The following IZUMO3 variants were observed in gnomAD, a reference collection of about 807,000 sequenced individuals.
IZUMO3 encodes IZUMO family member 3.
IZUMO3 carries 36 observed loss-of-function variants against 28.4 expected under a neutral mutation model. The ratio of observed to expected loss-of-function variants is 1.27; its 90% CI spans 0.97 to 1.67. The LOEUF (loss-of-function observed/expected upper bound fraction) is 1.67. Ranked by LOEUF, IZUMO3 falls within the 40% of genes most tolerant of loss-of-function variation. IZUMO3 has a pLI of 0.00. For synonymous variants in IZUMO3, 126 were observed against 99.2 expected (o/e 1.27, Z -1.61); for missense variants, 387 against 278.5 (o/e 1.39, Z -2.77).
In IZUMO3 at chr9:24,543,149, A is replaced by T; in HGVS notation, c.*80T>A. ...AAAATACTATGACTTTATGACCAAG[A>T]AAGGGTTTACCTCCCAGTTTTGTAC... On this transcript the variant is annotated 3_prime_UTR_variant, in exon 7 of 7. Coordinates refer to ENST00000543880, the MANE Select transcript of IZUMO3 (RefSeq NM_001365008.2). The T allele has an allele frequency of 8.8e-7, 1 of 1,132,918 alleles. No homozygotes were observed. The highest frequency in any genetic ancestry group is 1.2e-6 in the Non-Finnish European group (1 of 838,410). 70.2% of individuals were successfully genotyped at this position (1,132,918 alleles called of 1,614,324 possible).
chr9:24,544,776 A>T lies in IZUMO3; in HGVS notation c.392-16T>A. The stretch of plus-strand genomic sequence containing the variant: ...TCAGAACAAGCTAGAAGAGAATCAG[A>T]AAGTTCTAATGAGTTTAAAACCAGC... On this transcript the variant is annotated splice_polypyrimidine_tract_variant and intron_variant, in intron 3 of 6. Coordinates refer to ENST00000543880, the MANE Select transcript of IZUMO3 (RefSeq NM_001365008.2). The T allele has an allele frequency of 6.5e-7, 1 of 1,549,848 alleles. No homozygotes were observed. The highest frequency in any genetic ancestry group is 8.7e-7 in the Non-Finnish European group (1 of 1,146,378).
chr9:24,545,682 T>A lies in IZUMO3; in HGVS notation c.-33A>T. ...TTCACCCCCGCTCCCCGACAGCAGG[T>A]TGTCCTGGCAACTAGTTCACTTAGT... On this transcript the variant is annotated 5_prime_UTR_variant, in exon 1 of 7. Transcript: ENST00000543880. 6.5e-7 allele frequency: 1 copy of A among 1,534,922 alleles called. No individual in the cohort carries two copies. Among genetic ancestry groups the A allele is most frequent in the African/African-American group, 1.4e-5 (1 of 73,078 alleles).
chr9:24,543,519 A>C, intron 6 of IZUMO3, 145 bp downstream of exon 6: 2 of 768,418 alleles, frequency 2.6e-6, no homozygotes, highest in East Asian at 3.3e-5. Context: ...TATCCCGTCA[A>C]ACTTTGCATT....
intron 1 of IZUMO3, 61 bp downstream of exon 1, chr9:24,545,363 C>T: frequency 2.6e-6 from 4 of 1,548,100 alleles, no homozygotes; most frequent in Non-Finnish European, 2.6e-6. Flanking sequence ...CAGGTGTTCT[C>T]TTCCTTGCCT....
Position 24,544,246 on chromosome 9 carries a change from A to G in IZUMO3, c.445T>C (p.Cys149Arg), listed in dbSNP as rs1192582465. The G allele has an allele frequency of 6.5e-7, 1 of 1,550,364 alleles. No individual in the cohort carries two copies. Among genetic ancestry groups the G allele is most frequent in the Non-Finnish European group, 8.7e-7 (1 of 1,146,678 alleles). ...VEGPILDCWTCLRMTNRCFKG... is the reference protein window; with the variant it reads ...VEGPILDCWTRLRMTNRCFKG... ...AAGCACCTGTTAGTCATGCGAAGAC[A>G]CGTCCAACAATCAAGAATGGGACCT... is the stretch of plus-strand genomic sequence containing the variant. Residue 149 changes from cysteine (C) to arginine (R), a missense_variant, in exon 5 of 7, where the codon TGT (cysteine) becomes CGT (arginine). Coordinates refer to ENST00000543880, the MANE Select transcript of IZUMO3 (RefSeq NM_001365008.2).
In IZUMO3 at chr9:24,543,606, C is replaced by T; in HGVS notation, c.581+58G>A. Reference sequence around the variant, plus strand: ...CATTTGGAGGAAGAGGGAATTTGGGCAGTCTCTTGGCAAAAGGAATATTTG... The same window carrying T: ...CATTTGGAGGAAGAGGGAATTTGGGTAGTCTCTTGGCAAAAGGAATATTTG... On this transcript the variant is annotated intron_variant, in intron 6 of 6. Coordinates refer to ENST00000543880, the MANE Select transcript of IZUMO3 (RefSeq NM_001365008.2). 7.2e-6 allele frequency: 9 copies of T among 1,253,938 alleles called. No homozygotes were observed. The Admixed American group carries it at 1.7e-4, about 23-fold the overall frequency. 77.7% of individuals were successfully genotyped at this position (1,253,938 alleles called of 1,614,324 possible).
At chr9:24,543,532 A>G (rs1015651227) in intron 6 of IZUMO3, 132 bp downstream of exon 6, 2 of 619,770 alleles carry the variant, frequency 3.2e-6, no homozygotes, top group African/African-American at 5.3e-5. Flanking sequence ...TTTGCATTTT[A>G]TTCCTTTCAG....
chr9:24,545,451 G>A lies in IZUMO3; in HGVS notation c.199C>T (p.His67Tyr). The A allele has an allele frequency of 6.5e-7, 1 of 1,537,550 alleles. No individual in the cohort carries two copies. Among genetic ancestry groups the A allele is most frequent in the Non-Finnish European group, 8.7e-7 (1 of 1,146,748 alleles). The change falls in exon 1 of 7, where the codon CAC becomes TAC. Residue 67 changes from histidine (H) to tyrosine (Y), a missense_variant. Coordinates refer to ENST00000543880, the MANE Select transcript of IZUMO3 (RefSeq NM_001365008.2). ...AACACCCGAAGCCTCTTGTCACTGTGGGAGACCTTGAAGCTTAAATGAATC... is the reference window on the plus strand; with the variant it reads ...AACACCCGAAGCCTCTTGTCACTGTAGGAGACCTTGAAGCTTAAATGAATC... ...EMIHLSFKVSHSDKRLRVLAV... is the reference protein window; with the variant it reads ...EMIHLSFKVSYSDKRLRVLAV...
intron 1 of IZUMO3, 44 bp from the exon 2 acceptor site, chr9:24,545,330 C>G: frequency 3.2e-6 from 5 of 1,546,256 alleles, no homozygotes; most frequent in Non-Finnish European, 4.4e-6. Flanking sequence ...ATAATTACAT[C>G]TATGCAGGAA....
In IZUMO3 at chr9:24,543,057, A is replaced by G; in HGVS notation, c.*172T>C. On this transcript the variant is annotated 3_prime_UTR_variant, in exon 7 of 7. Transcript: ENST00000543880. ...TGGCCAAATTATTTGCTCTCCCATT[A>G]CTTCCGTTGTCTCAGGATATCAATA... 1.9e-6 allele frequency: 1 copy of G among 517,342 alleles called. No individual in the cohort carries two copies. The allele number at this position is 517,342 out of a possible 1,614,324, so 32.0% of individuals were successfully genotyped here.
rs1379726763 is a variant in IZUMO3 at position 24,543,749 on chromosome 9, C to G, written c.496G>C (p.Asp166His). Residue 166 changes from aspartate (D) to histidine (H), a missense_variant, in exon 6 of 7, where the codon GAT (aspartate) becomes CAT (histidine). Transcript: ENST00000543880. ...CFKGEYCGDE[D>H]PRKAENREIA... ...TCTCGATTCTCAGCCTTTCTTGGATCCTCGTCTGGAAGGAGAAACAGGAAA... is the reference window on the plus strand; with the variant it reads ...TCTCGATTCTCAGCCTTTCTTGGATGCTCGTCTGGAAGGAGAAACAGGAAA... 1.9e-6 allele frequency: 3 copies of G among 1,545,534 alleles called. No homozygotes were observed. Among genetic ancestry groups the G allele is most frequent in the South Asian group, 1.2e-5 (1 of 83,924 alleles).
At chr9:24,544,877 A>G in intron 3 of IZUMO3, 95 bp downstream of exon 3, 1 of 1,334,220 alleles carries the variant, frequency 7.5e-7, no homozygotes, top group East Asian at 2.5e-5. Context: ...CCCATTCTAA[A>G]TAACTCTATT....
At chr9:24,544,351 G>A (rs974345962) in intron 4 of IZUMO3, 70 bp from the exon 5 acceptor site, 30 of 1,062,016 alleles carry the variant, frequency 2.8e-5, no homozygotes, top group South Asian at 4.0e-5. Flanking sequence ...CATACATCAA[G>A]TGTGGAGGAT....
intron 5 of IZUMO3, 46 bp downstream of exon 5, chr9:24,544,155 C>T: frequency 7.6e-7 from 1 of 1,315,068 alleles, no homozygotes; most frequent in Non-Finnish European, 1.1e-6. Context: ...CAACCCTGCT[C>T]CTTAATCCCT....
chr9:24,545,819 G>T lies in IZUMO3; in HGVS notation c.-170C>A. 1 of 1,543,406 alleles carries T rather than the reference G, an allele frequency of 6.5e-7. No individual in the cohort carries two copies. On this transcript the variant is annotated 5_prime_UTR_variant, in exon 1 of 7. Transcript: ENST00000543880. Reference sequence around the variant, plus strand: ...GCAATCTTTAGTTGTTTAGTTTAATGATCTTTAGTTGTTTACTGACTATTA... The same window carrying T: ...GCAATCTTTAGTTGTTTAGTTTAATTATCTTTAGTTGTTTACTGACTATTA...
In IZUMO3 at chr9:24,544,725, C is replaced by G. The variant is rs1211417858; in HGVS notation, c.409+18G>C. The G allele has an allele frequency of 6.5e-7, 1 of 1,549,198 alleles. No homozygotes were observed. On this transcript the variant is annotated intron_variant, in intron 4 of 6. Transcript: ENST00000543880. Reference sequence around the variant, plus strand: ...AATATGGGCTGAAACCTCAAGGCGTCACATGTACTGTACTCACTGCAATCT... The same window carrying G: ...AATATGGGCTGAAACCTCAAGGCGTGACATGTACTGTACTCACTGCAATCT...
chr9:24,545,552 C>G lies in IZUMO3; in HGVS notation c.98G>C (p.Gly33Ala). The G allele has an allele frequency of 3.3e-6, 5 of 1,535,378 alleles. No individual in the cohort carries two copies. Among genetic ancestry groups the G allele is most frequent in the Non-Finnish European group, 4.4e-6 (5 of 1,146,712 alleles). ...ECDPKFIEDV[G>A]SLLGNLIPSE... is the part of the protein sequence containing the mutation. ...AGGTATCAGATTTCCCAGCAAGGAG[C>G]CAACATCCTCTATAAATTTGGGGTC... The change falls in exon 1 of 7, where the codon GGC becomes GCC. Residue 33 changes from glycine (G) to alanine (A), a missense_variant. Coordinates refer to ENST00000543880, the MANE Select transcript of IZUMO3 (RefSeq NM_001365008.2).
Position 24,545,032 on chromosome 9 carries a change from C to A in IZUMO3, c.331G>T (p.Asp111Tyr), listed in dbSNP as rs531050008. 6.4e-7 allele frequency: 1 copy of A among 1,550,632 alleles called. No homozygotes were observed. Among genetic ancestry groups the A allele is most frequent in the South Asian group, 1.2e-5 (1 of 84,036 alleles). ...TTGGATTCCAGGTTTTGGCAGACAT[C>A]GAGAAGCTTGCCTTGATAGATAAAG... ...GVFIYQGKLL[D>Y]VCQNLESKLK... The change falls in exon 3 of 7, where the codon GAT (aspartate) becomes TAT (tyrosine). Residue 111 changes from aspartate to tyrosine, a missense_variant. Coordinates refer to ENST00000543880, the MANE Select transcript of IZUMO3 (RefSeq NM_001365008.2).
At chr9:24,543,590 G>T in intron 6 of IZUMO3, 74 bp downstream of exon 6, 1 of 1,156,196 alleles carries the variant, frequency 8.6e-7, no homozygotes, top group Non-Finnish European at 1.3e-6. Context: ...CCATTTGGAG[G>T]AAGAGGGAAT....
Sources: allele counts gnomAD v4.1 joint callset, GRCh38; gene constraint gnomAD v4.1.1; transcripts MANE v1.5; gene names NCBI Gene and HGNC (gene_info 2026-07-23, HGNC 2026-07-21).